Variants in RANBP2 observed in about 807,000 individuals in gnomAD.
RANBP2 encodes RAN binding protein 2.
RANBP2 carries 57 observed loss-of-function variants against 303.6 expected under a neutral mutation model. The ratio of observed to expected loss-of-function variants is 0.19; its 90% confidence interval spans 0.15 to 0.23. The LOEUF is 0.23. Ranked by LOEUF, RANBP2 falls within the 10% of genes least tolerant of loss-of-function variation. RANBP2 has a pLI of 1.00. For missense variants in RANBP2, 3,138 were observed against 3,780.8 expected (o/e 0.83, Z 4.46); for synonymous variants, 1,167 against 1,301.5 (o/e 0.90, Z 2.23).
At chr2:108,954,572 C>CTA in the RANBP2 span, among the ~76,000 whole-genome samples, 2 of 152,184 alleles carry the variant, frequency 1.3e-5, no homozygotes, top group Non-Finnish European at 2.9e-5. Flanking sequence ...CCCACCCAGC[C>CTA]CTGTGCCTGG....
chr2:109,397,571 T>G, the RANBP2 span, among the ~76,000 whole-genome samples: 1 of 152,198 alleles, frequency 6.6e-6, no homozygotes, highest in African/African-American at 2.4e-5. Context: ...AGTGGGAAAC[T>G]TCCTCCAGGT....
At chr2:108,999,887 G>C in the RANBP2 span, among the ~76,000 whole-genome samples, 1 of 152,166 alleles carries the variant, frequency 6.6e-6, no homozygotes, top group South Asian at 2.1e-4. Context: ...GCTGTAAGAG[G>C]TGGCTCCACA....
chr2:108,754,836 C>A (rs1676173245), intron 15 of RANBP2, 69 bp from the exon 16 acceptor site: 38 of 1,601,194 alleles, frequency 2.4e-5, no homozygotes, highest in Non-Finnish European at 3.2e-5. Context: ...TAAAATATAT[C>A]ATTTTAGAGT....
chr2:109,475,912 C>T, the RANBP2 span, among the ~76,000 whole-genome samples: 1 of 152,190 alleles, frequency 6.6e-6, no homozygotes, highest in Non-Finnish European at 1.5e-5. Context: ...ACGAGCTTCA[C>T]CTTCATCAAC....
chr2:109,110,118 G>C, the RANBP2 span, among the ~76,000 whole-genome samples: 2 of 152,186 alleles, frequency 1.3e-5, no homozygotes, highest in Non-Finnish European at 2.9e-5. Context: ...GAGCAGGGAG[G>C]CTGGAGTCTA....
At chr2:108,809,669 A>G in the RANBP2 span, among the ~76,000 whole-genome samples, 1 of 151,968 alleles carries the variant, frequency 6.6e-6, no homozygotes, top group African/African-American at 2.4e-5. Flanking sequence ...TGATTTTTGT[A>G]TGTTGATTTT....
At chr2:108,943,074 T>G in the RANBP2 span, among the ~76,000 whole-genome samples, 18 of 152,286 alleles carry the variant, frequency 1.2e-4, no homozygotes, top group African/African-American at 3.9e-4. Flanking sequence ...GGGCTTTTTT[T>G]CCCTCCCTTA....
chr2:108,858,186 A>T, the RANBP2 span, among the ~76,000 whole-genome samples: 1 of 152,206 alleles, frequency 6.6e-6, no homozygotes, highest in African/African-American at 2.4e-5. Flanking sequence ...TGTACTAAAA[A>T]TATAAAAATT....
the RANBP2 span, among the ~76,000 whole-genome samples, chr2:109,493,967 C>T: frequency 2.6e-5 from 4 of 152,316 alleles, no homozygotes; most frequent in East Asian, 7.7e-4. Context: ...CAGAACCTCC[C>T]TTCATGGGAC....
the RANBP2 span, among the ~76,000 whole-genome samples, chr2:108,914,345 C>T: frequency 1.1e-4 from 17 of 152,240 alleles, no homozygotes; most frequent in African/African-American, 3.6e-4. Flanking sequence ...CTACCCATGG[C>T]CTCCTTGGCT....
At chr2:109,078,100 A>G in the RANBP2 span, among the ~76,000 whole-genome samples, 15 of 70,006 alleles carry the variant, frequency 2.1e-4, no homozygotes, top group African/African-American at 6.0e-4. Context: ...ATATATATAT[A>G]TATATATATA....
the RANBP2 span, among the ~76,000 whole-genome samples, chr2:109,542,337 G>A: frequency 4.5e-3 from 690 of 152,314 alleles, 4 homozygotes; most frequent in African/African-American, 0.016. Context: ...TCTCACAGCA[G>A]TCATCAGCAG....
At chr2:109,566,269 C>A in the RANBP2 span, among the ~76,000 whole-genome samples, 4 of 151,880 alleles carry the variant, frequency 2.6e-5, no homozygotes, top group East Asian at 7.7e-4. Flanking sequence ...TACAGTTGCC[C>A]ACCACAACAT....
the RANBP2 span, among the ~76,000 whole-genome samples, chr2:109,325,847 T>A: frequency 6.6e-6 from 1 of 152,232 alleles, no homozygotes; most frequent in Admixed American, 6.5e-5. Context: ...CACACCTCCC[T>A]TTGTTCCAAA....
the RANBP2 span, chr2:108,940,202 C>T: frequency 2.0e-5 from 3 of 152,292 alleles, no homozygotes; most frequent in Admixed American, 1.3e-4. Flanking sequence ...AGATGACTGC[C>T]ATTATTACGT....
the RANBP2 span, among the ~76,000 whole-genome samples, chr2:109,620,013 A>G: frequency 6.6e-6 from 1 of 152,002 alleles, no homozygotes; most frequent in Non-Finnish European, 1.5e-5. Context: ...TTTTTTCTCA[A>G]TCTTCTCTTT....
chr2:109,551,460 T>C, the RANBP2 span, among the ~76,000 whole-genome samples: 9,813 of 152,198 alleles, frequency 0.064, 749 homozygotes, highest in East Asian at 0.24. Flanking sequence ...TGTGATTGCA[T>C]CCTGGTTCAA....
chr2:109,623,278 C>G, the RANBP2 span, among the ~76,000 whole-genome samples: 17 of 152,196 alleles, frequency 1.1e-4, no homozygotes, highest in African/African-American at 4.1e-4. Flanking sequence ...CCATACCCAC[C>G]CCCGGCCACT....
chr2:108,957,855 T>A, the RANBP2 span, among the ~76,000 whole-genome samples: 3 of 152,234 alleles, frequency 2.0e-5, no homozygotes, highest in African/African-American at 7.2e-5. Context: ...CTAAATATTA[T>A]GTTTTTGTAA....
Sources: allele counts gnomAD v4.1 joint callset (sites outside exome capture counted in the v4.1 genomes callset), GRCh38; gene constraint gnomAD v4.1.1; transcripts MANE v1.5; gene names NCBI Gene and HGNC (gene_info 2026-07-23, HGNC 2026-07-21).